The following AADAT variants were observed in gnomAD, a reference collection of about 807,000 sequenced individuals.
AADAT encodes kynurenine/alpha-aminoadipate aminotransferase, mitochondrial.
In AADAT, 25 loss-of-function variants were observed where a neutral mutation model predicts 56.2. The observed-to-expected ratio is 0.44, with a 90% CI of 0.32 to 0.62. The LOEUF is 0.62. Ranked by LOEUF, AADAT falls within the 20% of genes least tolerant of loss-of-function variation. AADAT has a pLI of 0.04. For missense variants in AADAT, 387 were observed against 510.5 expected (o/e 0.76, Z 2.33); for synonymous variants, 173 against 164.7 (o/e 1.05, Z -0.39).
rs1731858796 is a variant in AADAT at position 170,073,219 on chromosome 4, G to C, written c.571C>G (p.Pro191Ala). ...EDAKNPQKNT[P>A]KFLYTVPNGN... The stretch of plus-strand genomic sequence containing the variant: ...TTTGGAACAGTATAAAGAAATTTGG[G>C]GGTGTTTTTCTGGGGATTCTTTGCA... Residue 191 changes from proline (P) to alanine (A), a missense_variant, in exon 5 of 13, where the codon CCC (proline) becomes GCC (alanine). Physicochemically the swap from Pro to Ala is conservative, Grantham distance 27 (BLOSUM62 -1). Coordinates refer to ENST00000337664, the MANE Select transcript of AADAT (RefSeq NM_016228.4). The C allele has an allele frequency of 1.9e-6, 3 of 1,613,916 alleles. No individual in the cohort carries two copies. Among genetic ancestry groups the C allele is most frequent in the Non-Finnish European group, 8.5e-7 (1 of 1,180,022 alleles).
intron 10 of AADAT, 115 bp from the exon 11 acceptor site, chr4:170,064,940 G>T: frequency 1.7e-5 from 13 of 780,158 alleles, no homozygotes; most frequent in South Asian, 1.1e-4. Context: ...TCCTAAAAAA[G>T]TTCCTTCAAT....
Position 170,070,518 on chromosome 4 carries a change from C to T in AADAT, c.720+69G>A, listed in dbSNP as rs530556639. On this transcript the variant is annotated intron_variant, in intron 6 of 12. Transcript: ENST00000337664. ...TTCTGACTCAGCAGTCAGCCTAATACCCAACACAGTGCAGTAACTTAAAAC... is the reference window on the plus strand; with the variant it reads ...TTCTGACTCAGCAGTCAGCCTAATATCCAACACAGTGCAGTAACTTAAAAC... The T allele has an allele frequency of 4.0e-4, 458 of 1,142,666 alleles. 6 individuals carry two copies. The South Asian group carries it at 5.8e-3, about 14-fold the overall frequency. 70.8% of individuals were successfully genotyped at this position (1,142,666 alleles called of 1,614,324 possible).
In AADAT at chr4:170,089,752, A is replaced by G; in HGVS notation, c.-62T>C. ...TGGTTGAGGACTAGAAAAACCAAAGAGCCTCGTCAAGTCCTGCCTGCTAAC... is the reference window on the plus strand; with the variant it reads ...TGGTTGAGGACTAGAAAAACCAAAGGGCCTCGTCAAGTCCTGCCTGCTAAC... On this transcript the variant is annotated 5_prime_UTR_variant, in exon 1 of 13. Transcript: ENST00000337664. 1 of 1,548,366 alleles carries G rather than the reference A, an allele frequency of 6.5e-7. No individual in the cohort carries two copies. The highest frequency in any genetic ancestry group is 8.9e-7 in the Non-Finnish European group (1 of 1,124,146).
In AADAT at chr4:170,087,264, T is replaced by G; in HGVS notation, c.237-16A>C. The G allele has an allele frequency of 6.2e-7, 1 of 1,605,126 alleles. No individual in the cohort carries two copies. ...CTCTGGAATTCTAAAGCAAAAAATGTATATTTAAATTCATAGTAGTAAAAA... is the reference window on the plus strand; with the variant it reads ...CTCTGGAATTCTAAAGCAAAAAATGGATATTTAAATTCATAGTAGTAAAAA... On this transcript the variant is annotated splice_polypyrimidine_tract_variant and intron_variant, in intron 2 of 12. Coordinates refer to ENST00000337664, the MANE Select transcript of AADAT (RefSeq NM_016228.4).
At chr4:170,063,365 G>A (rs1055034135) in intron 11 of AADAT, among the ~76,000 whole-genome samples, 1 of 152,166 alleles carries the variant, frequency 6.6e-6, no homozygotes, top group Non-Finnish European at 1.5e-5. Context: ...GAGGACTGAA[G>A]AAGAGTAGAG....
intron 10 of AADAT, among the ~76,000 whole-genome samples, chr4:170,065,119 C>T (rs1731386193): frequency 6.6e-6 from 1 of 152,114 alleles, no homozygotes; most frequent in South Asian, 2.1e-4. Context: ...TGCAAGAAAT[C>T]CCACTCCTCT....
Position 170,082,709 on chromosome 4 carries a change from C to A in AADAT, c.370-4126G>T, listed in dbSNP as rs557039094. 2.6e-5 allele frequency among the ~76,000 whole-genome samples: 4 copies of A among 152,162 alleles called. No individual in the cohort carries two copies. The South Asian group carries it at 8.3e-4, about 32-fold the overall frequency. On this transcript the variant is annotated intron_variant, in intron 3 of 12. Transcript: ENST00000337664. ...GAAACCCACCTCACCTATAAAGACA[C>A]ACAGTCTGAAAATGAGGAGGTGGAA...
intron 3 of AADAT, among the ~76,000 whole-genome samples, chr4:170,082,760 C>A (rs2111200993): frequency 6.6e-6 from 1 of 151,880 alleles, no homozygotes; most frequent in Non-Finnish European, 1.5e-5. Context: ...AATTGGAAAC[C>A]TAAAAAGAGT....
intron 2 of AADAT, among the ~76,000 whole-genome samples, chr4:170,088,156 T>A (rs1157984098): frequency 6.6e-6 from 1 of 151,874 alleles, no homozygotes; most frequent in African/African-American, 2.4e-5. Context: ...ACATTCAATA[T>A]CCTTTCTGTT....
chr4:170,089,182 G>A (rs1732714273), intron 1 of AADAT: 3 of 308,170 alleles, frequency 9.7e-6, no homozygotes, highest in Non-Finnish European at 1.9e-5. Flanking sequence ...AGACAGCAAA[G>A]GGCCACAATA....
upstream of AADAT, among the ~76,000 whole-genome samples, chr4:170,091,116 C>T (rs1448971658): frequency 3.9e-5 from 6 of 152,252 alleles, no homozygotes; most frequent in South Asian, 4.1e-4. Flanking sequence ...TCGGCCTCAG[C>T]GCTCACTCTG....
At chr4:170,089,513 C>CA (rs1321518985) in intron 1 of AADAT, 111 bp downstream of exon 1, 23 of 1,189,822 alleles carry the variant, frequency 1.9e-5, no homozygotes, top group Non-Finnish European at 2.7e-5. Flanking sequence ...CGCGAGCGTG[C>CA]ACAGGGGTAC....
chr4:170,091,236 G>A (rs1732814381), upstream of AADAT, among the ~76,000 whole-genome samples: 1 of 152,166 alleles, frequency 6.6e-6, no homozygotes, highest in East Asian at 1.9e-4. Context: ...TGTAGGGAGA[G>A]GCACGGGCGG....
chr4:170,067,435 G>T, intron 8 of AADAT, 47 bp from the exon 9 acceptor site: 1 of 1,520,944 alleles, frequency 6.6e-7, no homozygotes. Flanking sequence ...CCCTGAAAAT[G>T]TACTTTTTGC....
intron 3 of AADAT, among the ~76,000 whole-genome samples, chr4:170,082,027 A>C (rs1364287140): frequency 6.6e-6 from 1 of 152,248 alleles, no homozygotes; most frequent in Non-Finnish European, 1.5e-5. Flanking sequence ...GAGTTCTCCA[A>C]CCTGAAAGAA....
chr4:170,087,852 C>A (rs1309164155), intron 2 of AADAT, among the ~76,000 whole-genome samples: 1 of 151,476 alleles, frequency 6.6e-6, no homozygotes, highest in Non-Finnish European at 1.5e-5. Context: ...ACATTTGAAC[C>A]TATGAGGGCA....
At chr4:170,087,277 ATAG>A (rs757158543) in intron 2 of AADAT, 29 bp from the exon 3 acceptor site, 31 of 1,597,092 alleles carry the variant, frequency 1.9e-5, no homozygotes, top group Non-Finnish European at 2.7e-5. Context: ...ATTTAAATTC[ATAG>A]TAGTAAAAAT....
At position 170,089,698 on chromosome 4, in the gene AADAT, GAC is replaced by G; in HGVS notation, c.-10_-9del. On this transcript the variant is annotated 5_prime_UTR_variant, in exon 1 of 13. Coordinates refer to ENST00000337664, the MANE Select transcript of AADAT (RefSeq NM_016228.4). ...GAACCGTGCGTAATTCATGTCTTCTGACAGCCAAGCATCAAGCTTCTTCTTCA... is the reference window on the plus strand; with the variant it reads ...GAACCGTGCGTAATTCATGTCTTCTGAGCCAAGCATCAAGCTTCTTCTTCA... 6.2e-7 allele frequency: 1 copy of G among 1,614,104 alleles called. No individual in the cohort carries two copies. The highest frequency in any genetic ancestry group is 8.5e-7 in the Non-Finnish European group (1 of 1,179,984).
chr4:170,074,132 T>C (rs1011564124), intron 4 of AADAT, among the ~76,000 whole-genome samples: 14 of 152,222 alleles, frequency 9.2e-5, no homozygotes, highest in Non-Finnish European at 2.1e-4. Context: ...ACTGGGGTCA[T>C]TGGTTACAGC....
Sources: gnomAD v4.1 joint callset for allele counts (sites outside exome capture counted in the v4.1 genomes callset) on GRCh38, gnomAD v4.1.1 for gene constraint, MANE v1.5 for transcripts, NCBI Gene and HGNC (gene_info 2026-07-23, HGNC 2026-07-21) for gene names.